The following AGFG1 variants were observed in gnomAD, a reference collection of about 807,000 sequenced individuals.
AGFG1 encodes the protein arf-GAP domain and FG repeat-containing protein 1.
Under a neutral mutation model 60.6 loss-of-function variants are expected in AGFG1, and 10 were observed. The observed-to-expected ratio is 0.16, with a 90% CI of 0.10 to 0.28. The LOEUF is 0.28. Ranked by LOEUF, AGFG1 falls within the 10% of genes least tolerant of loss-of-function variation. AGFG1 has a pLI of 1.00. For synonymous variants in AGFG1, 247 were observed against 242.9 expected, an observed-to-expected ratio of 1.02 and a Z score of -0.16; for missense variants, 537 against 676.5, an observed-to-expected ratio of 0.79 and a Z score of 2.29.
chr2:227,485,166 C>T (rs909541332), intron 1 of AGFG1, among the ~76,000 whole-genome samples: 1 of 151,962 alleles, frequency 6.6e-6, no homozygotes, highest in Admixed American at 6.6e-5. Flanking sequence ...CTACTACGAG[C>T]CAAATTTTGT....
Position 227,553,741 on chromosome 2 carries a change from A to G in AGFG1, c.1575A>G (p.Val525=), listed in dbSNP as rs766958472. The G allele has an allele frequency of 1.2e-6, 2 of 1,614,032 alleles. No individual in the cohort carries two copies. The highest frequency in any genetic ancestry group is 1.1e-5 in the South Asian group (1 of 91,074). ...CAGCATTTGGACAAACAAAGCCAGT[A>G]GTAACCCCTTTTGGTCAAGTTGCAG... ...GFAAFGQTKP[V]VTPFGQVAAA... The change falls in exon 12 of 13, where the codon GTA becomes GTG. Residue 525 remains valine, a synonymous_variant. Transcript: ENST00000310078.
chr2:227,509,223 G>A (rs1215752761), intron 2 of AGFG1, among the ~76,000 whole-genome samples: 3 of 152,070 alleles, frequency 2.0e-5, no homozygotes, highest in African/African-American at 2.4e-5. Flanking sequence ...GGAAGGACAC[G>A]TCACTTACAT....
At chr2:227,484,461 G>A (rs896824417) in intron 1 of AGFG1, among the ~76,000 whole-genome samples, 8 of 152,044 alleles carry the variant, frequency 5.3e-5, no homozygotes, top group Non-Finnish European at 1.2e-4. Context: ...TTACAGGTGT[G>A]AGCCACCGCG....
intron 6 of AGFG1, among the ~76,000 whole-genome samples, chr2:227,531,596 A>ATTT (rs35965525): frequency 7.7e-6 from 1 of 130,586 alleles, no homozygotes; most frequent in Non-Finnish European, 1.6e-5. Context: ...TCCCAGCTAA[A>ATTT]TTTTTTTTTT....
chr2:227,515,137 T>G (rs1691615548), intron 2 of AGFG1, among the ~76,000 whole-genome samples: 3 of 152,066 alleles, frequency 2.0e-5, no homozygotes, highest in Non-Finnish European at 2.9e-5. Context: ...CCCAGGCTGG[T>G]CTTGAATTCC....
intron 3 of AGFG1, among the ~76,000 whole-genome samples, chr2:227,520,729 A>G (rs994117878): frequency 1.3e-5 from 2 of 152,250 alleles, no homozygotes; most frequent in African/African-American, 4.8e-5. Flanking sequence ...TTTTAGCTAT[A>G]TGAGCACAAT....
chr2:227,545,934 G>A (rs778767388), intron 10 of AGFG1, among the ~76,000 whole-genome samples: 12 of 152,164 alleles, frequency 7.9e-5, no homozygotes, highest in Non-Finnish European at 1.6e-4. Flanking sequence ...AGGCTACTGC[G>A]GGGGTCAGGG....
At chr2:227,533,882 C>T in intron 7 of AGFG1, 124 bp downstream of exon 7, 9 of 872,694 alleles carry the variant, frequency 1.0e-5, no homozygotes, top group South Asian at 1.8e-5. Context: ...TTTGTCTGCA[C>T]TGTCATTTTG....
At position 227,520,016 on chromosome 2, in the gene AGFG1, A is replaced by G; in HGVS notation, c.330A>G (p.Pro110=). 2.5e-6 allele frequency: 4 copies of G among 1,582,168 alleles called. No individual in the cohort carries two copies. The highest frequency in any genetic ancestry group is 1.2e-5 in the South Asian group (1 of 85,432). Residue 110 remains proline (P), a synonymous_variant, in exon 3 of 13, where the codon CCA becomes CCG. Transcript: ENST00000310078. ...CAGCAATTCCAGACTTCAGGGATCC[A>G]CAAAAAGTGAAAGAGTTTCTACAAG... is the stretch of plus-strand genomic sequence containing the variant. ...RSSAIPDFRD[P]QKVKEFLQEK... is the part of the protein sequence containing the mutation.
intron 1 of AGFG1, among the ~76,000 whole-genome samples, chr2:227,480,683 A>G (rs1327721465): frequency 6.6e-6 from 1 of 151,816 alleles, no homozygotes; most frequent in Non-Finnish European, 1.5e-5. Flanking sequence ...CTCTCATACC[A>G]GAACTTTTCT....
intron 2 of AGFG1, among the ~76,000 whole-genome samples, chr2:227,510,415 G>A (rs1691461421): frequency 6.6e-6 from 1 of 152,144 alleles, no homozygotes; most frequent in Admixed American, 6.5e-5. Flanking sequence ...CTGAAAAATT[G>A]TATGTAGTGG....
At chr2:227,512,723 A>G (rs1052425538) in intron 2 of AGFG1, among the ~76,000 whole-genome samples, 3 of 152,152 alleles carry the variant, frequency 2.0e-5, no homozygotes, top group African/African-American at 7.2e-5. Context: ...GATATTGATT[A>G]CTTGTTCATC....
intron 2 of AGFG1, among the ~76,000 whole-genome samples, chr2:227,496,673 C>G (rs1245976251): frequency 6.6e-6 from 1 of 152,130 alleles, no homozygotes; most frequent in Non-Finnish European, 1.5e-5. Flanking sequence ...ACTATAATAC[C>G]TATGTATAAA....
intron 3 of AGFG1, among the ~76,000 whole-genome samples, chr2:227,520,968 TAC>T (rs1691807767): frequency 6.6e-6 from 1 of 152,218 alleles, no homozygotes; most frequent in Non-Finnish European, 1.5e-5. Context: ...TGTTGTGGTT[TAC>T]AGCAGAGGTC....
Position 227,497,735 on chromosome 2 carries a change from G to GTTTTTTTTT in AGFG1, c.261+6113_261+6121dup, listed in dbSNP as rs869114764. The stretch of plus-strand genomic sequence containing the variant: ...GCCAAATGAGTTTCTTTCTTGTTTT[G>GTTTTTTTTT]TTTTTTTTTTTTTTTTTTTTTTTTT... On this transcript the variant is annotated intron_variant, in intron 2 of 12. Coordinates refer to ENST00000310078, the MANE Select transcript of AGFG1 (RefSeq NM_004504.5). 1.6e-3 allele frequency among the ~76,000 whole-genome samples: 46 copies of GTTTTTTTTT among 28,028 alleles called. 11 individuals are homozygous for GTTTTTTTTT. Among genetic ancestry groups the GTTTTTTTTT allele is most frequent in the African/African-American group, 3.5e-3 (28 of 7,914 alleles). 18.4% of individuals were successfully genotyped at this position (28,028 alleles called of 152,430 possible).
At chr2:227,478,942 C>T (rs1690373676) in intron 1 of AGFG1, among the ~76,000 whole-genome samples, 1 of 152,116 alleles carries the variant, frequency 6.6e-6, no homozygotes, top group Non-Finnish European at 1.5e-5. Flanking sequence ...CTCACTCATG[C>T]CATTGTTTTA....
At position 227,497,723 on chromosome 2, in the gene AGFG1, C is replaced by CTTGTTTT. The variant is rs1559173411; in HGVS notation, c.261+6085_261+6086insGTTTTTT. ...CAAGCATATATAGCCAAATGAGTTT[C>CTTGTTTT]TTTCTTGTTTTGTTTTTTTTTTTTT... is the stretch of plus-strand genomic sequence containing the variant. On this transcript the variant is annotated intron_variant, in intron 2 of 12. Transcript: ENST00000310078. Among the ~76,000 whole-genome samples the CTTGTTTT allele has an allele frequency of 1.1e-4, 9 of 80,272 alleles. 1 individual carries two copies. Among genetic ancestry groups the CTTGTTTT allele is most frequent in the Middle Eastern group, 6.6e-3 (1 of 152 alleles). 52.7% of individuals were successfully genotyped at this position (80,272 alleles called of 152,430 possible).
In AGFG1 at chr2:227,554,569, C is replaced by T. The variant is rs1057002062; in HGVS notation, c.*74C>T. On this transcript the variant is annotated 3_prime_UTR_variant, in exon 13 of 13. Transcript: ENST00000310078. ...ATCTCTCCACCTCTTGCACTGTTGT[C>T]TTGTTTCACTGATCTTAGCTTTAAA... is the stretch of plus-strand genomic sequence containing the variant. 2 of 1,229,138 alleles carry T rather than the reference C, an allele frequency of 1.6e-6. No individual in the cohort carries two copies. The highest frequency in any genetic ancestry group is 2.3e-6 in the Non-Finnish European group (2 of 853,144). The allele number at this position is 1,229,138 out of a possible 1,614,324, so 76.1% of individuals were successfully genotyped here.
intron 11 of AGFG1, 65 bp downstream of exon 11, chr2:227,552,182 T>G (rs1692841382): frequency 2.5e-6 from 4 of 1,579,754 alleles, no homozygotes; most frequent in Non-Finnish European, 1.7e-6. Context: ...CATAATGTTG[T>G]GTGCTTGGGC....
Sources: gnomAD v4.1 joint callset for allele counts (sites outside exome capture counted in the v4.1 genomes callset) on GRCh38, gnomAD v4.1.1 for gene constraint, MANE v1.5 for transcripts, NCBI Gene and HGNC (gene_info 2026-07-23, HGNC 2026-07-21) for gene names.